The following CACNA2D3 variants were observed in gnomAD, a reference collection of about 807,000 sequenced individuals.
CACNA2D3 encodes voltage-dependent calcium channel subunit alpha-2/delta-3.
CACNA2D3 carries 60 observed loss-of-function variants against 160.6 expected under a neutral mutation model. That is an observed-to-expected ratio of 0.37 (90% CI 0.30 to 0.46). The LOEUF (loss-of-function observed/expected upper bound fraction) is 0.46. Among genes scored for constraint, CACNA2D3 ranks in the 20% least tolerant of loss-of-function variants. CACNA2D3 has a pLI of 1.00. For synonymous variants in CACNA2D3, 558 were observed against 492.9 expected (o/e 1.13, Z -1.75); for missense variants, 1,205 against 1,365.0 (o/e 0.88, Z 1.85).
At chr3:54,719,163 CTT>C (rs527632302) in intron 11 of CACNA2D3, among the ~76,000 whole-genome samples, 1,898 of 132,688 alleles carry the variant, frequency 0.014, 34 homozygotes, top group African/African-American at 0.049. Context: ...CACTGGATTT[CTT>C]TTTTTTTTTT....
At chr3:54,235,933 A>T (rs929669733) in intron 2 of CACNA2D3, among the ~76,000 whole-genome samples, 20 of 152,210 alleles carry the variant, frequency 1.3e-4, no homozygotes, top group African/African-American at 4.8e-4. Flanking sequence ...GAAACGTGAC[A>T]GCCACCACCT....
chr3:54,960,056 TC>T (rs1409809446), intron 27 of CACNA2D3, among the ~76,000 whole-genome samples: 1 of 148,280 alleles, frequency 6.7e-6, no homozygotes, highest in Non-Finnish European at 1.5e-5. Flanking sequence ...AGGTGACAGT[TC>T]CGAGAAGCTC....
chr3:54,971,384 CTG>C (rs1559451141), intron 29 of CACNA2D3, among the ~76,000 whole-genome samples: 2 of 152,126 alleles, frequency 1.3e-5, no homozygotes, highest in African/African-American at 4.8e-5. Context: ...TCTCGAGGCC[CTG>C]TGTTAAGCTC....
chr3:54,872,187 C>CT (rs1170160337), intron 18 of CACNA2D3, among the ~76,000 whole-genome samples: 3 of 152,180 alleles, frequency 2.0e-5, no homozygotes, highest in African/African-American at 7.2e-5. Flanking sequence ...GCACCCCATG[C>CT]TTTTTCCCCA....
intron 2 of CACNA2D3, among the ~76,000 whole-genome samples, chr3:54,263,824 T>G (rs749617394): frequency 6.6e-6 from 1 of 152,204 alleles, no homozygotes; most frequent in Non-Finnish European, 1.5e-5. Context: ...CTACATAAGG[T>G]ACGCATGATG....
At chr3:54,450,512 T>C (rs552292720) in intron 4 of CACNA2D3, among the ~76,000 whole-genome samples, 1 of 152,074 alleles carries the variant, frequency 6.6e-6, no homozygotes, top group African/African-American at 2.4e-5. Flanking sequence ...GTTGGGGCCA[T>C]AGGAGAGGAT....
At chr3:54,466,652 A>G (rs1700632733) in intron 4 of CACNA2D3, among the ~76,000 whole-genome samples, 1 of 152,222 alleles carries the variant, frequency 6.6e-6, no homozygotes, top group South Asian at 2.1e-4. Context: ...AAACATGTGG[A>G]AAAGTTCAAA....
chr3:54,864,518 C>T lies in CACNA2D3; in HGVS notation c.1627-7021C>T, dbSNP rs184250984. Reference sequence around the variant, plus strand: ...CAAACTCCAGACCTGCCTCAGCCTCCGAAAGTGCTGGGATTACAGGCGCGA... The same window carrying T: ...CAAACTCCAGACCTGCCTCAGCCTCTGAAAGTGCTGGGATTACAGGCGCGA... On this transcript the variant is annotated intron_variant, in intron 17 of 37. Coordinates refer to ENST00000474759, the MANE Select transcript of CACNA2D3 (RefSeq NM_018398.3). 3.0e-3 allele frequency among the ~76,000 whole-genome samples: 453 copies of T among 152,212 alleles called. 1 individual carries two copies. The highest frequency in any genetic ancestry group is 5.1e-3 in the Non-Finnish European group (344 of 68,014).
chr3:54,374,397 C>T (rs62256105), intron 3 of CACNA2D3, among the ~76,000 whole-genome samples: 8,508 of 152,288 alleles, frequency 0.056, 325 homozygotes, highest in Non-Finnish European at 0.085. Context: ...CTGCTCAGGG[C>T]GAGGGAGTCA....
At chr3:54,210,919 G>A (rs1322077809) in intron 2 of CACNA2D3, among the ~76,000 whole-genome samples, 1 of 152,136 alleles carries the variant, frequency 6.6e-6, no homozygotes. Context: ...TTAATGGAGG[G>A]ATATGTTAAC....
At position 54,295,261 on chromosome 3, in the gene CACNA2D3, G is replaced by A. The variant is rs190581986; in HGVS notation, c.205-25181G>A. Among the ~76,000 whole-genome samples the A allele has an allele frequency of 4.2e-3, 642 of 152,300 alleles. 4 individuals are homozygous for A. Among genetic ancestry groups the A allele is most frequent in the African/African-American group, 0.013 (533 of 41,582 alleles). On this transcript the variant is annotated intron_variant, in intron 2 of 37. Transcript: ENST00000474759. ...GGTAGACATGACTTGTAGGAGACAG[G>A]TAGGAGATGAGGGAGTGTGGAGTAT... is the stretch of plus-strand genomic sequence containing the variant.
intron 13 of CACNA2D3, among the ~76,000 whole-genome samples, chr3:54,801,450 G>A (rs1313651026): frequency 6.6e-6 from 1 of 152,142 alleles, no homozygotes; most frequent in Admixed American, 6.6e-5. Context: ...TTCTTGAAAA[G>A]TTGAGAGGGT....
intron 6 of CACNA2D3, among the ~76,000 whole-genome samples, chr3:54,566,701 A>G (rs1702414613): frequency 1.3e-5 from 2 of 152,182 alleles, no homozygotes; most frequent in South Asian, 4.1e-4. Flanking sequence ...TCAGACTGTC[A>G]CCTTTCTATA....
intron 11 of CACNA2D3, among the ~76,000 whole-genome samples, chr3:54,695,276 C>T (rs1458522110): frequency 6.6e-6 from 1 of 152,106 alleles, no homozygotes; most frequent in African/African-American, 2.4e-5. Context: ...CTACAGCCTC[C>T]CAAAGTACTG....
chr3:54,698,758 C>T (rs891289539), intron 11 of CACNA2D3, among the ~76,000 whole-genome samples: 3 of 152,196 alleles, frequency 2.0e-5, no homozygotes, highest in Admixed American at 6.5e-5. Flanking sequence ...TAGAAATAAA[C>T]ACATTTGCCT....
At chr3:54,736,540 C>G (rs1701535842) in intron 11 of CACNA2D3, among the ~76,000 whole-genome samples, 1 of 152,100 alleles carries the variant, frequency 6.6e-6, no homozygotes, top group Non-Finnish European at 1.5e-5. Context: ...TTTCCACCAG[C>G]CGAAAGGATA....
chr3:54,831,313 C>A (rs2106746017), intron 14 of CACNA2D3, among the ~76,000 whole-genome samples: 1 of 152,348 alleles, frequency 6.6e-6, no homozygotes, highest in South Asian at 2.1e-4. Context: ...CCTTCCAGGT[C>A]CAGCTTGCCT....
chr3:54,732,600 G>A (rs1701412763), intron 11 of CACNA2D3, among the ~76,000 whole-genome samples: 2 of 152,210 alleles, frequency 1.3e-5, no homozygotes, highest in African/African-American at 4.8e-5. Flanking sequence ...AGTGTTCAGT[G>A]AATAAATACA....
intron 12 of CACNA2D3, among the ~76,000 whole-genome samples, chr3:54,759,738 C>A (rs527581738): frequency 6.6e-6 from 1 of 152,134 alleles, no homozygotes; most frequent in African/African-American, 2.4e-5. Flanking sequence ...CCTCAGAGTT[C>A]CCCAGCTACA....
Sources: gnomAD v4.1 joint callset for allele counts (sites outside exome capture counted in the v4.1 genomes callset) on GRCh38, gnomAD v4.1.1 for gene constraint, MANE v1.5 for transcripts, NCBI Gene and HGNC (gene_info 2026-07-23, HGNC 2026-07-21) for gene names.